The following ZNF282 variants were observed in gnomAD, a reference collection of about 807,000 sequenced individuals.
ZNF282 encodes the protein HTLV-I U5 repressive element-binding protein 1.
Under a neutral mutation model 61.9 loss-of-function variants are expected in ZNF282, and 30 were observed. That is an observed-to-expected ratio of 0.48 (90% CI 0.36 to 0.66). The LOEUF (loss-of-function observed/expected upper bound fraction) is 0.66, where lower values mean the gene tolerates loss of function less well. ZNF282 is among the 30% of genes least tolerant of loss of function. The pLI, the probability that ZNF282 is intolerant of heterozygous loss-of-function variation, is 0.00. For missense variants in ZNF282, 788 were observed against 941.4 expected, an observed-to-expected ratio of 0.84 and a Z score of 2.13; for synonymous variants, 396 against 405.0, an observed-to-expected ratio of 0.98 and a Z score of 0.27.
chr7:149,199,233 C>T (rs111956977), intron 2 of ZNF282, among the ~76,000 whole-genome samples: 30 of 152,180 alleles, frequency 2.0e-4, no homozygotes, highest in African/African-American at 4.1e-4. Context: ...TATCTTACTC[C>T]GTTCCCTCTC....
At chr7:149,207,611 C>A in intron 4 of ZNF282, 141 bp downstream of exon 4, 1 of 1,309,110 alleles carries the variant, frequency 7.6e-7, no homozygotes, top group Non-Finnish European at 1.0e-6. Flanking sequence ...GCCAGTTCTG[C>A]CAGAGTCGAA....
chr7:149,197,576 G>A (rs1224461889), intron 1 of ZNF282, among the ~76,000 whole-genome samples: 3 of 152,136 alleles, frequency 2.0e-5, no homozygotes, highest in South Asian at 2.1e-4. Flanking sequence ...AGGTTCAAGC[G>A]ATTCTCCTGC....
intron 2 of ZNF282, among the ~76,000 whole-genome samples, chr7:149,204,160 A>G (rs1795957331): frequency 6.6e-6 from 1 of 152,136 alleles, no homozygotes; most frequent in African/African-American, 2.4e-5. Context: ...GAGGAAGAGG[A>G]AAAAGTAAAA....
At chr7:149,214,498 C>A (rs756602665) in intron 7 of ZNF282, among the ~76,000 whole-genome samples, 1 of 151,974 alleles carries the variant, frequency 6.6e-6, no homozygotes, top group Admixed American at 6.6e-5. Context: ...CCAGTGTGCC[C>A]GAGGCAGTTG....
intron 7 of ZNF282, among the ~76,000 whole-genome samples, chr7:149,220,980 C>T (rs1264230210): frequency 2.1e-5 from 3 of 146,302 alleles, no homozygotes; most frequent in South Asian, 2.1e-4. Context: ...AGTACAGTGG[C>T]GCGATCACGG....
chr7:149,216,411 A>G (rs903494459), intron 7 of ZNF282, among the ~76,000 whole-genome samples: 31 of 152,148 alleles, frequency 2.0e-4, no homozygotes, highest in Middle Eastern at 3.2e-3. Flanking sequence ...GTTATTTTAT[A>G]TTTGAAGGAC....
At chr7:149,197,304 C>T (rs575872832) in intron 1 of ZNF282, among the ~76,000 whole-genome samples, 7 of 152,314 alleles carry the variant, frequency 4.6e-5, no homozygotes, top group South Asian at 2.1e-4. Context: ...AGGGACATCC[C>T]CTCTTCACCT....
chr7:149,207,323 C>A, intron 3 of ZNF282, 28 bp from the exon 4 acceptor site: 1 of 1,580,022 alleles, frequency 6.3e-7, no homozygotes, highest in Non-Finnish European at 8.6e-7. Flanking sequence ...CTTCACTCAG[C>A]CTTTCCCTCC....
Position 149,223,966 on chromosome 7 carries a change from A to G in ZNF282, c.1335A>G (p.Arg445=). Residue 445 remains arginine (R), a synonymous_variant, in exon 8 of 8, where the codon CGA becomes CGG. Coordinates refer to ENST00000610704, the MANE Select transcript of ZNF282 (RefSeq NM_003575.4). ...VAENPGGPPS[R]GLLDDGFQVL... is the part of the protein sequence containing the mutation. ...AGAACCCGGGCGGCCCCCCGAGCCG[A>G]GGGCTGCTGGACGACGGTTTCCAGG... 7.0e-6 allele frequency: 9 copies of G among 1,292,068 alleles called. No individual in the cohort carries two copies. The highest frequency in any genetic ancestry group is 8.8e-6 in the Non-Finnish European group (9 of 1,021,666). 80.0% of individuals were successfully genotyped at this position (1,292,068 alleles called of 1,614,324 possible). A position where few individuals can be genotyped will look rare whatever the true frequency, so the allele number is the denominator to read the frequency against.
At chr7:149,210,110 G>A (rs1796059995) in intron 4 of ZNF282, among the ~76,000 whole-genome samples, 1 of 152,022 alleles carries the variant, frequency 6.6e-6, no homozygotes, top group Non-Finnish European at 1.5e-5. Context: ...GCCCATCCCC[G>A]CTTCTCACAA....
intron 4 of ZNF282, among the ~76,000 whole-genome samples, chr7:149,208,196 T>C (rs1345837697): frequency 2.0e-5 from 3 of 152,168 alleles, no homozygotes; most frequent in Admixed American, 6.5e-5. Flanking sequence ...TTTTTTTGTT[T>C]TTTGTTTCTT....
chr7:149,200,003 A>G (rs964744984), intron 2 of ZNF282, among the ~76,000 whole-genome samples: 6 of 152,188 alleles, frequency 3.9e-5, no homozygotes, highest in Admixed American at 3.3e-4. Context: ...ATTTTTAAAA[A>G]CATTTTTTTA....
intron 2 of ZNF282, among the ~76,000 whole-genome samples, chr7:149,204,913 T>C (rs866740373): frequency 6.6e-6 from 1 of 152,020 alleles, no homozygotes. Context: ...GGTCAGGAGA[T>C]CGAGACCATC....
At chr7:149,222,820 G>A (rs940500056) in intron 7 of ZNF282, among the ~76,000 whole-genome samples, 5 of 150,860 alleles carry the variant, frequency 3.3e-5, no homozygotes, top group South Asian at 2.1e-4. Flanking sequence ...GCTAATTTTC[G>A]TATTTTTAGT....
chr7:149,224,608 C>T lies in ZNF282; in HGVS notation c.1977C>T (p.Gly659=), dbSNP rs1400287916. Residue 659 remains glycine, a synonymous_variant, in exon 8 of 8, where the codon GGC becomes GGT. Transcript: ENST00000610704. ...LRVHSGGPGP[G]APRQLPPPPE... ...TGCACAGCGGCGGCCCGGGCCCCGG[C>T]GCCCCACGGCAGCTCCCGCCGCCTC... 3 of 1,551,914 alleles carry T rather than the reference C, an allele frequency of 1.9e-6. No individual in the cohort carries two copies. The highest frequency in any genetic ancestry group is 2.6e-6 in the Non-Finnish European group (3 of 1,153,546).
intron 7 of ZNF282, among the ~76,000 whole-genome samples, chr7:149,221,335 C>T (rs1796247230): frequency 6.6e-6 from 1 of 152,166 alleles, no homozygotes; most frequent in Admixed American, 6.5e-5. Flanking sequence ...GGCTGCCGGG[C>T]CTGGAGAGCC....
chr7:149,223,515 C>T (rs2129523766), intron 7 of ZNF282, among the ~76,000 whole-genome samples: 1 of 152,330 alleles, frequency 6.6e-6, no homozygotes, highest in East Asian at 1.9e-4. Context: ...CTGGGAAATT[C>T]TGCCTTCCAA....
At chr7:149,203,360 GT>G (rs1160421817) in intron 2 of ZNF282, among the ~76,000 whole-genome samples, 1 of 151,958 alleles carries the variant, frequency 6.6e-6, no homozygotes, top group Non-Finnish European at 1.5e-5. Context: ...CTGGTTTTTT[GT>G]TTTTTTGGGA....
intron 7 of ZNF282, 86 bp from the exon 8 acceptor site, chr7:149,223,726 C>T (rs907628398): frequency 5.0e-5 from 67 of 1,332,130 alleles, no homozygotes; most frequent in Non-Finnish European, 6.3e-5. Context: ...GCTCAGATAG[C>T]ATGCTCCCTG....
Sources: gnomAD v4.1 joint callset for allele counts (sites outside exome capture counted in the v4.1 genomes callset) on GRCh38, gnomAD v4.1.1 for gene constraint, MANE v1.5 for transcripts, NCBI Gene and HGNC (gene_info 2026-07-23, HGNC 2026-07-21) for gene names.